PDE9A: variants seen among roughly 807,000 people sequenced by gnomAD.
The protein encoded by PDE9A is high affinity cGMP-specific 3',5'-cyclic phosphodiesterase 9A.
In PDE9A, 60 loss-of-function variants were observed where a neutral mutation model predicts 87.4. That is an observed-to-expected ratio of 0.69 (90% CI 0.56 to 0.85). The LOEUF is 0.85. Among genes scored for constraint, PDE9A ranks in the 40% least tolerant of loss-of-function variants. PDE9A has a pLI of 0.00. For synonymous variants in PDE9A, 272 were observed against 279.4 expected (o/e 0.97, Z 0.27); for missense variants, 665 against 779.0 (o/e 0.85, Z 1.74).
At chr21:42,693,428 A>G (rs1207044338) in intron 3 of PDE9A, among the ~76,000 whole-genome samples, 3 of 150,792 alleles carry the variant, frequency 2.0e-5, no homozygotes, top group African/African-American at 7.3e-5. Flanking sequence ...CCTCCCGAGT[A>G]GCTGGGACTA....
rs926572835 is a variant in PDE9A at position 42,739,015 on chromosome 21, C to T, written c.569-4761C>T. On this transcript the variant is annotated intron_variant, in intron 7 of 19. Coordinates refer to ENST00000291539, the MANE Select transcript of PDE9A (RefSeq NM_002606.3). This position sits in a 1 kb window ranked among gnomAD's most constrained non-coding sequence, Gnocchi z 4.1. Reference sequence around the variant, plus strand: ...CTACAGTCCTTTTAAGAGGACAGCCCGGGGTTTCCAGATAATACTAGCCCC... The same window carrying T: ...CTACAGTCCTTTTAAGAGGACAGCCTGGGGTTTCCAGATAATACTAGCCCC... 1.3e-5 allele frequency among the ~76,000 whole-genome samples: 2 copies of T among 152,198 alleles called. No homozygotes were observed. The highest frequency in any genetic ancestry group is 1.3e-4 in the Admixed American group (2 of 15,286).
rs113117026 is a variant in PDE9A, at chr21:42,775,427, CAA to C, written c.*146_*147del. 5,995 of 394,690 alleles carry C rather than the reference CAA, an allele frequency of 0.015. No individual in the cohort carries two copies. Among genetic ancestry groups the C allele is most frequent in the South Asian group, 0.03 (582 of 19,326 alleles). 24.4% of individuals were successfully genotyped at this position (394,690 alleles called of 1,614,324 possible). A position where few individuals can be genotyped will look rare whatever the true frequency, so the allele number is the denominator to read the frequency against. On this transcript the variant is annotated 3_prime_UTR_variant, in exon 20 of 20. Transcript: ENST00000291539. ...CTAAGAACCATTTTGTTCACTGATA[CAA>C]AAAAAAAAAAAGGAATTCATGATGC...
At chr21:42,678,932 G>A (rs550117523) in intron 1 of PDE9A, among the ~76,000 whole-genome samples, 3 of 152,350 alleles carry the variant, frequency 2.0e-5, no homozygotes, top group African/African-American at 7.2e-5. Flanking sequence ...GTGGACTCCC[G>A]CTGATCAGAA....
intron 17 of PDE9A, 45 bp downstream of exon 17, chr21:42,769,200 C>A (rs770526091): frequency 8.9e-6 from 14 of 1,580,372 alleles, no homozygotes; most frequent in Non-Finnish European, 1.2e-5. Flanking sequence ...CACTCAGATA[C>A]ATGCATGCAC....
At chr21:42,740,969 A>G (rs1569229675) in intron 7 of PDE9A, 1 of 152,130 alleles carries the variant, frequency 6.6e-6, no homozygotes, top group Non-Finnish European at 1.5e-5. Flanking sequence ...TGATAATAGG[A>G]TATTTTATAT....
At chr21:42,733,135 A>G (rs1267877910) in intron 6 of PDE9A, among the ~76,000 whole-genome samples, 1 of 152,178 alleles carries the variant, frequency 6.6e-6, no homozygotes, top group Non-Finnish European at 1.5e-5. Flanking sequence ...ACCAGCCCAG[A>G]AAATACACCT....
At chr21:42,698,426 C>G (rs551700185) in intron 3 of PDE9A, among the ~76,000 whole-genome samples, 1 of 152,156 alleles carries the variant, frequency 6.6e-6, no homozygotes, top group Admixed American at 6.5e-5. Context: ...CGTGTGTCAG[C>G]GACAGAAACG....
intron 4 of PDE9A, among the ~76,000 whole-genome samples, chr21:42,700,341 C>T (rs1027823505): frequency 2.0e-5 from 3 of 150,662 alleles, no homozygotes; most frequent in African/African-American, 7.5e-5. Flanking sequence ...TTGGTGGAAA[C>T]GTATATTTTT....
In PDE9A at chr21:42,685,467, C is replaced by CTT. The variant is rs765252066; in HGVS notation, c.70-710_70-709dup. ...CAGTCCCCAAATACCGAAAGGCAGT[C>CTT]TTTTTTTTTTTTTTTTGAGACGGAG... On this transcript the variant is annotated intron_variant, in intron 1 of 19. Coordinates refer to ENST00000291539, the MANE Select transcript of PDE9A (RefSeq NM_002606.3). Among the ~76,000 whole-genome samples the CTT allele has an allele frequency of 9.5e-5, 11 of 115,946 alleles. 1 individual carries two copies. The East Asian group carries it at 2.1e-3, about 23-fold the overall frequency. The allele number at this position is 115,946 out of a possible 152,430, so 76.1% of individuals were successfully genotyped here.
intron 1 of PDE9A, among the ~76,000 whole-genome samples, chr21:42,658,500 C>CG (rs2057258667): frequency 3.3e-5 from 5 of 152,220 alleles, no homozygotes; most frequent in Non-Finnish European, 7.3e-5. Context: ...TCCTGCGTGC[C>CG]TTTCCCCTCT....
intron 17 of PDE9A, among the ~76,000 whole-genome samples, chr21:42,769,591 C>A (rs2056795929): frequency 6.7e-6 from 1 of 148,520 alleles, no homozygotes; most frequent in South Asian, 2.2e-4. Context: ...CACAGGTACA[C>A]ACAGGCACAC....
At chr21:42,726,853 T>C (rs1483080866) in intron 4 of PDE9A, among the ~76,000 whole-genome samples, 1 of 150,936 alleles carries the variant, frequency 6.6e-6, no homozygotes, top group Non-Finnish European at 1.5e-5. Flanking sequence ...AAAAATCAGT[T>C]GGGCGTATTT....
chr21:42,760,563 T>G lies in PDE9A; in HGVS notation c.1002+131T>G. 1 of 650,308 alleles carries G rather than the reference T, an allele frequency of 1.5e-6. No individual in the cohort carries two copies. The highest frequency in any genetic ancestry group is 2.7e-6 in the Non-Finnish European group (1 of 366,774). The allele number at this position is 650,308 out of a possible 1,614,324, so 40.3% of individuals were successfully genotyped here. ...GGGTCCCCAGCCGCTCCGCCCCTCC[T>G]AGGGACGCACCCCTGCCCACCGTTG... On this transcript the variant is annotated intron_variant, in intron 12 of 19. Coordinates refer to ENST00000291539, the MANE Select transcript of PDE9A (RefSeq NM_002606.3). The surrounding 1 kb of genome is among the most constrained non-coding windows in gnomAD (Gnocchi z 5.2).
chr21:42,729,292 T>C (rs1202590348), intron 4 of PDE9A, among the ~76,000 whole-genome samples: 1 of 152,196 alleles, frequency 6.6e-6, no homozygotes. Context: ...GCATTTGTAG[T>C]GTTCCCGTAT....
rs2051849989 is a variant in PDE9A at position 42,732,098 on chromosome 21, G to A, written c.471G>A (p.Leu157=). Residue 157 remains leucine, a synonymous_variant, in exon 6 of 20, where the codon CTG becomes CTA. Transcript: ENST00000291539. ...GAGAAGAATTAATCCAGAGCGTGCT[G>A]GCGCAGGTTGCAGAGCAGTTCTCAA... ...PEREELIQSV[L]AQVAEQFSRA... is the part of the protein sequence containing the mutation. 6.2e-7 allele frequency: 1 copy of A among 1,614,226 alleles called. No individual in the cohort carries two copies. Among genetic ancestry groups the A allele is most frequent in the Non-Finnish European group, 8.5e-7 (1 of 1,180,022 alleles).
At position 42,742,991 on chromosome 21, in the gene PDE9A, G is replaced by A. The variant is rs138403443; in HGVS notation, c.569-785G>A. ...CCTGTGGCTGTTAGTCTCGTCCCCA[G>A]GCAAGAAGCAGGTCTGCTTTGGGAA... is the stretch of plus-strand genomic sequence containing the variant. On this transcript the variant is annotated intron_variant, in intron 7 of 19. Coordinates refer to ENST00000291539, the MANE Select transcript of PDE9A (RefSeq NM_002606.3). Among the ~76,000 whole-genome samples the A allele has an allele frequency of 5.5e-3, 842 of 152,310 alleles. 6 individuals are homozygous for A. Among genetic ancestry groups the A allele is most frequent in the African/African-American group, 0.019 (796 of 41,556 alleles).
chr21:42,688,029 C>G, intron 3 of PDE9A, 35 bp downstream of exon 3: 2 of 1,534,350 alleles, frequency 1.3e-6, no homozygotes, highest in Non-Finnish European at 1.8e-6. Flanking sequence ...CGGGGTGTGC[C>G]TGGCACTTCT....
chr21:42,758,309 T>C (rs563659838), intron 10 of PDE9A: 1 of 152,294 alleles, frequency 6.6e-6, no homozygotes, highest in South Asian at 2.1e-4. Flanking sequence ...GAAAACAAAA[T>C]CTATTTCAAC....
chr21:42,683,358 C>T (rs2059270749), intron 1 of PDE9A, among the ~76,000 whole-genome samples: 1 of 152,228 alleles, frequency 6.6e-6, no homozygotes, highest in African/African-American at 2.4e-5. Flanking sequence ...TTCCATGGGG[C>T]TCGAAGCTTC....
Sources: gnomAD v4.1 joint callset for allele counts (sites outside exome capture counted in the v4.1 genomes callset) on GRCh38, gnomAD v4.1.1 for gene constraint, Gnocchi (gnomAD v3.1) non-coding constraint, MANE v1.5 for transcripts, NCBI Gene and HGNC (gene_info 2026-07-23, HGNC 2026-07-21) for gene names.